FSTL4: variants seen among roughly 807,000 people sequenced by gnomAD.
FSTL4 encodes the protein follistatin like 4, also known as follistatin-related protein 4.
In FSTL4, 28 loss-of-function variants were observed where a neutral mutation model predicts 78.2. The observed-to-expected ratio is 0.36, with a 90% CI of 0.27 to 0.49. The LOEUF is 0.49. FSTL4 is among the 20% of genes least tolerant of loss of function. The pLI is 0.98. For synonymous variants in FSTL4, 422 were observed against 440.5 expected, an observed-to-expected ratio of 0.96 and a Z score of 0.53; for missense variants, 922 against 1,084.9, an observed-to-expected ratio of 0.85 and a Z score of 2.11.
chr5:133,402,905 C>G (rs943115064), intron 3 of FSTL4, among the ~76,000 whole-genome samples: 3 of 152,254 alleles, frequency 2.0e-5, no homozygotes, highest in Non-Finnish European at 2.9e-5. Context: ...CCCCTCTGCA[C>G]GCCTTCCTGT....
chr5:133,624,168 C>T, the FSTL4 span, among the ~76,000 whole-genome samples: 9 of 151,872 alleles, frequency 5.9e-5, no homozygotes, highest in Non-Finnish European at 1.3e-4. Context: ...AGCAGCAATA[C>T]TGACAACAGC....
At chr5:133,479,206 G>A (rs979238256) in intron 3 of FSTL4, among the ~76,000 whole-genome samples, 1 of 152,184 alleles carries the variant, frequency 6.6e-6, no homozygotes, top group African/African-American at 2.4e-5. Context: ...ACAATCCCAT[G>A]AAGGCGGGGA....
At chr5:133,653,760 A>G in the FSTL4 span, among the ~76,000 whole-genome samples, 4 of 152,214 alleles carry the variant, frequency 2.6e-5, no homozygotes, top group African/African-American at 7.2e-5. Context: ...GGGTCCGAGA[A>G]GATTAGATAT....
At chr5:133,673,874 A>C in the FSTL4 span, among the ~76,000 whole-genome samples, 1 of 151,952 alleles carries the variant, frequency 6.6e-6, no homozygotes, top group Non-Finnish European at 1.5e-5. Flanking sequence ...CAAGACTCAA[A>C]CTCTCCAAGT....
At chr5:133,754,032 T>G in the FSTL4 span, among the ~76,000 whole-genome samples, 1 of 152,184 alleles carries the variant, frequency 6.6e-6, no homozygotes, top group Non-Finnish European at 1.5e-5. Flanking sequence ...GGCAGGAAGC[T>G]CTGCTGTACC....
intron 4 of FSTL4, among the ~76,000 whole-genome samples, chr5:133,375,427 C>T (rs1033734423): frequency 1.3e-5 from 2 of 151,076 alleles, no homozygotes; most frequent in Non-Finnish European, 3.0e-5. Flanking sequence ...GGAAATAATA[C>T]ATAATACCTT....
Position 133,210,201 on chromosome 5 carries a change from G to C in FSTL4, c.1706C>G (p.Pro569Arg). Residue 569 changes from proline (P) to arginine (R), a missense_variant, in exon 14 of 16, where the codon CCA (proline) becomes CGA (arginine). Physicochemically the swap from Pro to Arg is moderately radical, Grantham distance 103 (BLOSUM62 -2). Coordinates refer to ENST00000265342, the MANE Select transcript of FSTL4 (RefSeq NM_015082.2). ...ATGTGCTCAACATACCTGGAGACTT[G>C]GTCGGGACTTGTGCACGTCCCCCCA... The part of the protein sequence containing the change: ...LSWGDVHKSR[P>R]SLQVITEAST... The C allele has an allele frequency of 6.3e-7, 1 of 1,584,462 alleles. No homozygotes were observed.
At chr5:133,717,846 C>T in the FSTL4 span, among the ~76,000 whole-genome samples, 5 of 152,154 alleles carry the variant, frequency 3.3e-5, no homozygotes, top group East Asian at 9.6e-4. Flanking sequence ...AGGATTGTTG[C>T]CAGTTTTTAA....
chr5:133,539,225 G>A (rs1165071659), intron 3 of FSTL4, among the ~76,000 whole-genome samples: 1 of 151,588 alleles, frequency 6.6e-6, no homozygotes, highest in Non-Finnish European at 1.5e-5. Context: ...TATTGCTGCT[G>A]CCATCTTTGG....
the FSTL4 span, among the ~76,000 whole-genome samples, chr5:133,657,373 T>C: frequency 0.67 from 101,943 of 151,964 alleles, 35,410 homozygotes; most frequent in African/African-American, 0.86. Flanking sequence ...CAAGAGATAG[T>C]AGTTACCATA....
chr5:133,498,171 G>A lies in FSTL4; in HGVS notation c.160+69015C>T, dbSNP rs567689320. On this transcript the variant is annotated intron_variant, in intron 3 of 15. Coordinates refer to ENST00000265342, the MANE Select transcript of FSTL4 (RefSeq NM_015082.2). ...CAGATAAATCCTCAGGTGCCTCACC[G>A]CACGGTGACTGCCTCTCCAAGCTCT... Among the ~76,000 whole-genome samples, 6 of 152,272 alleles carry A rather than the reference G, an allele frequency of 3.9e-5. No homozygotes were observed. The South Asian group carries it at 6.2e-4, about 16-fold the overall frequency.
chr5:133,383,616 C>T (rs553793037), intron 4 of FSTL4, among the ~76,000 whole-genome samples: 6 of 152,324 alleles, frequency 3.9e-5, no homozygotes, highest in East Asian at 1.9e-4. Flanking sequence ...TCCCATCACT[C>T]GGCGGGGACA....
chr5:133,754,686 C>G, the FSTL4 span, among the ~76,000 whole-genome samples: 1 of 152,138 alleles, frequency 6.6e-6, no homozygotes, highest in Non-Finnish European at 1.5e-5. Context: ...GCCCAAGAGA[C>G]CATGGTCAAA....
At chr5:133,708,520 C>T in the FSTL4 span, among the ~76,000 whole-genome samples, 1 of 152,296 alleles carries the variant, frequency 6.6e-6, no homozygotes, top group Admixed American at 6.5e-5. Context: ...GACCGTTCCT[C>T]CTCCCAGACC....
At chr5:133,518,270 TAAAAGTGTTATTTTACA>T (rs1257850212) in intron 3 of FSTL4, among the ~76,000 whole-genome samples, 1 of 152,120 alleles carries the variant, frequency 6.6e-6, no homozygotes, top group East Asian at 1.9e-4. Flanking sequence ...CTTTAATATA[TAAAAGTGTTATTTTACA>T]AATCAATAAT....
chr5:133,647,238 C>T, the FSTL4 span, among the ~76,000 whole-genome samples: 1 of 152,038 alleles, frequency 6.6e-6, no homozygotes, highest in Non-Finnish European at 1.5e-5. Context: ...AGAGATATAT[C>T]CTGAATATCT....
At chr5:133,503,486 G>A (rs1318132124) in intron 3 of FSTL4, among the ~76,000 whole-genome samples, 2 of 152,094 alleles carry the variant, frequency 1.3e-5, no homozygotes, top group Admixed American at 1.3e-4. Flanking sequence ...AAGTTGTCTT[G>A]AGGGAATTCA....
chr5:133,257,940 T>C (rs944380272), intron 6 of FSTL4, among the ~76,000 whole-genome samples: 5 of 152,360 alleles, frequency 3.3e-5, no homozygotes, highest in Middle Eastern at 3.4e-3. Flanking sequence ...TATTACCTTA[T>C]GTAATTATAC....
chr5:133,310,810 A>G (rs1408783934), intron 6 of FSTL4, among the ~76,000 whole-genome samples: 1 of 152,130 alleles, frequency 6.6e-6, no homozygotes, highest in Non-Finnish European at 1.5e-5. Flanking sequence ...CCCAGAGAAC[A>G]TGTTGCTGCT....
Sources: gnomAD v4.1 joint callset for allele counts (sites outside exome capture counted in the v4.1 genomes callset) on GRCh38, gnomAD v4.1.1 for gene constraint, MANE v1.5 for transcripts, NCBI Gene and HGNC (gene_info 2026-07-23, HGNC 2026-07-21) for gene names.